Variants in SNTG2 observed in about 807,000 individuals in gnomAD.
SNTG2 encodes syntrophin gamma 2.
SNTG2 carries 74 observed loss-of-function variants against 70.9 expected under a neutral mutation model. The observed-to-expected ratio is 1.04, with a 90% CI of 0.86 to 1.27. SNTG2 has a LOEUF of 1.27. Ranked by LOEUF, SNTG2 falls within the 50% of genes most tolerant of loss-of-function variation. SNTG2 has a pLI of 0.00. For missense variants in SNTG2, 717 were observed against 690.7 expected (o/e 1.04, Z -0.43); for synonymous variants, 278 against 273.8 (o/e 1.02, Z -0.15).
At chr2:980,944 C>G (rs946992675) in intron 1 of SNTG2, among the ~76,000 whole-genome samples, 4 of 152,096 alleles carry the variant, frequency 2.6e-5, no homozygotes, top group Non-Finnish European at 5.9e-5. Flanking sequence ...TTACCTAGCC[C>G]TATTATTTTT....
At chr2:1,143,140 C>CT (rs1427439910) in intron 6 of SNTG2, among the ~76,000 whole-genome samples, 3 of 152,172 alleles carry the variant, frequency 2.0e-5, no homozygotes, top group Non-Finnish European at 4.4e-5. Context: ...CACAGACATG[C>CT]TGGGATCTGT....
rs189744999 is a variant in SNTG2, at chr2:1,036,066, A to G, written c.73-47452A>G. 3.2e-3 allele frequency among the ~76,000 whole-genome samples: 488 copies of G among 152,274 alleles called. 5 individuals are homozygous for G. Among genetic ancestry groups the G allele is most frequent in the African/African-American group, 0.011 (458 of 41,558 alleles). On this transcript the variant is annotated intron_variant, in intron 1 of 16. Coordinates refer to ENST00000308624, the MANE Select transcript of SNTG2 (RefSeq NM_018968.4). The stretch of plus-strand genomic sequence containing the variant: ...TGTTTAAACTTTTTGCCATCTGTTA[A>G]TAGGCTCATAAGATTTTTGTCTCTT...
chr2:1,030,181 G>A lies in SNTG2; in HGVS notation c.73-53337G>A, dbSNP rs529164296. On this transcript the variant is annotated intron_variant, in intron 1 of 16. Coordinates refer to ENST00000308624, the MANE Select transcript of SNTG2 (RefSeq NM_018968.4). ...GCACTGGTTGTTGCTTTAGCTGTTT[G>A]CATTTTCCTGTGTCACTGGCTGTAT... Among the ~76,000 whole-genome samples the A allele has an allele frequency of 5.3e-5, 8 of 152,280 alleles. No individual in the cohort carries two copies. The South Asian group carries it at 1.5e-3, about 28-fold the overall frequency.
At chr2:1,244,471 C>T (rs561417920) in intron 11 of SNTG2, among the ~76,000 whole-genome samples, 5 of 152,068 alleles carry the variant, frequency 3.3e-5, no homozygotes, top group East Asian at 1.9e-4. Context: ...CCGAGGCTGG[C>T]GGATCACGAG....
intron 1 of SNTG2, among the ~76,000 whole-genome samples, chr2:1,061,281 A>G (rs1478516559): frequency 1.3e-5 from 2 of 152,224 alleles, no homozygotes; most frequent in African/African-American, 4.8e-5. Context: ...AAGAATGATG[A>G]TAAACATTTT....
intron 9 of SNTG2, among the ~76,000 whole-genome samples, chr2:1,226,914 T>C (rs1675826528): frequency 2.0e-5 from 3 of 152,236 alleles, no homozygotes; most frequent in African/African-American, 7.2e-5. Context: ...GTTTGTTTTT[T>C]CAAACATGAG....
intron 6 of SNTG2, among the ~76,000 whole-genome samples, chr2:1,153,878 T>C (rs34457673): frequency 0.021 from 3,248 of 152,276 alleles, 58 homozygotes; most frequent in Non-Finnish European, 0.036. Context: ...TGGCCTGAGG[T>C]TGGCAACTGC....
chr2:1,022,618 T>G (rs1263519680), intron 1 of SNTG2, among the ~76,000 whole-genome samples: 2 of 152,058 alleles, frequency 1.3e-5, no homozygotes, highest in East Asian at 3.9e-4. Flanking sequence ...AGTCCCTGTA[T>G]CCTCGAGTAT....
At chr2:1,245,663 T>C (rs1270455430) in intron 11 of SNTG2, among the ~76,000 whole-genome samples, 1 of 152,212 alleles carries the variant, frequency 6.6e-6, no homozygotes, top group African/African-American at 2.4e-5. Context: ...TAAATGCTAG[T>C]GTTATAACCA....
At chr2:1,215,727 C>A (rs868273310) in intron 9 of SNTG2, among the ~76,000 whole-genome samples, 1 of 146,674 alleles carries the variant, frequency 6.8e-6, no homozygotes, top group African/African-American at 2.5e-5. Flanking sequence ...ATGACAGGCC[C>A]TGGTGTGTGA....
At chr2:1,265,433 CAT>C (rs1056867151) in intron 13 of SNTG2, among the ~76,000 whole-genome samples, 1 of 152,216 alleles carries the variant, frequency 6.6e-6, no homozygotes, top group Non-Finnish European at 1.5e-5. Context: ...TACACACACA[CAT>C]GTTCTCACGT....
At chr2:993,070 C>CTTTTTTTTTTTTTT (rs59134628) in intron 1 of SNTG2, among the ~76,000 whole-genome samples, 1 of 140,496 alleles carries the variant, frequency 7.1e-6, no homozygotes, top group African/African-American at 2.7e-5. Context: ...TTTGTGGGTT[C>CTTTTTTTTTTTTTT]TTTTTTTTTT....
intron 4 of SNTG2, among the ~76,000 whole-genome samples, chr2:1,134,513 C>T (rs886146613): frequency 2.0e-5 from 3 of 151,614 alleles, no homozygotes; most frequent in African/African-American, 4.8e-5. Context: ...TTGGTGCATT[C>T]ACAAACCCTG....
chr2:1,246,049 G>A (rs1001455476), intron 11 of SNTG2, among the ~76,000 whole-genome samples: 5 of 152,162 alleles, frequency 3.3e-5, no homozygotes, highest in Non-Finnish European at 5.9e-5. Flanking sequence ...TCCATGGGAC[G>A]TAAGTATAAC....
chr2:1,298,950 T>TC (rs2148232813), intron 14 of SNTG2, among the ~76,000 whole-genome samples: 1 of 152,292 alleles, frequency 6.6e-6, no homozygotes, highest in African/African-American at 2.4e-5. Context: ...AACATCAGAC[T>TC]CCAAGTTCTT....
intron 4 of SNTG2, among the ~76,000 whole-genome samples, chr2:1,129,829 GCTT>G (rs1337806380): frequency 6.6e-6 from 1 of 152,102 alleles, no homozygotes; most frequent in Non-Finnish European, 1.5e-5. Context: ...GGACAATGTG[GCTT>G]CTTATCATCA....
intron 1 of SNTG2, among the ~76,000 whole-genome samples, chr2:1,028,284 T>C (rs975678908): frequency 4.0e-5 from 6 of 149,634 alleles, no homozygotes. Context: ...CTCATGCATC[T>C]CTGTTGAGTA....
In SNTG2 at chr2:1,245,257, TAAAGTA is replaced by T. The variant is rs1377915160; in HGVS notation, c.889-2069_889-2064del. 5.3e-5 allele frequency among the ~76,000 whole-genome samples: 8 copies of T among 150,768 alleles called. No homozygotes were observed. In the East Asian group the frequency reaches 1.4e-3, roughly 26 times the overall value. On this transcript the variant is annotated intron_variant, in intron 11 of 16. Coordinates refer to ENST00000308624, the MANE Select transcript of SNTG2 (RefSeq NM_018968.4). ...CATTGTGCACATGTACCCTAAAACT[TAAAGTA>T]TAATAATAAAAAAAAAGGAAAAAAA...
In SNTG2 at chr2:1,005,729, G is replaced by C. The variant is rs1309947596; in HGVS notation, c.72+54661G>C. Among the ~76,000 whole-genome samples, 5 of 149,146 alleles carry C rather than the reference G, an allele frequency of 3.4e-5. No individual in the cohort carries two copies. The East Asian group carries it at 1.1e-3, about 32-fold the overall frequency. ...TGAGGCAGGGGAATTGCTTGAAGCT[G>C]GGAGGCGGAGGTTGCAGTGAGCCGA... On this transcript the variant is annotated intron_variant, in intron 1 of 16. Coordinates refer to ENST00000308624, the MANE Select transcript of SNTG2 (RefSeq NM_018968.4).
Sources: allele counts gnomAD v4.1 joint callset (sites outside exome capture counted in the v4.1 genomes callset), GRCh38; gene constraint gnomAD v4.1.1; transcripts MANE v1.5; gene names NCBI Gene and HGNC (gene_info 2026-07-23, HGNC 2026-07-21).